SEPTIN7: variants seen among roughly 807,000 people sequenced by gnomAD.
The protein encoded by SEPTIN7 is septin-7.
SEPTIN7 carries 10 observed loss-of-function variants against 63.3 expected under a neutral mutation model. The observed-to-expected ratio is 0.16, with a 90% CI of 0.10 to 0.27. The LOEUF is 0.27. Among genes scored for constraint, SEPTIN7 ranks in the 10% least tolerant of loss-of-function variants. SEPTIN7 has a pLI of 1.00. For synonymous variants in SEPTIN7, 131 were observed against 165.3 expected (o/e 0.79, Z 1.59); for missense variants, 310 against 521.0 (o/e 0.59, Z 3.94).
intron 3 of SEPTIN7, among the ~76,000 whole-genome samples, chr7:35,859,714 A>C (rs1222381074): frequency 6.6e-6 from 1 of 152,218 alleles, no homozygotes; most frequent in African/African-American, 2.4e-5. Context: ...ATCTTGGCAA[A>C]GTGACCCATT....
Position 35,872,764 on chromosome 7 carries a change from T to C in SEPTIN7, c.375T>C (p.Asn125=), listed in dbSNP as rs1284983147. ...PGFGDAVDNS[N]CWQPVIDYID... ...TTGGAGATGCAGTGGATAATAGTAA[T>C]TGGTAAGAAGGGTTTGTCCTCACAA... The change falls in exon 5 of 14, where the codon AAT becomes AAC. Residue 125 remains asparagine, a splice_region_variant and synonymous_variant. Transcript: ENST00000350320. The C allele has an allele frequency of 8.7e-6, 14 of 1,605,914 alleles. No homozygotes were observed. The highest frequency in any genetic ancestry group is 1.2e-5 in the Non-Finnish European group (14 of 1,172,800).
At chr7:35,811,003 A>C (rs1788670890) in intron 1 of SEPTIN7, among the ~76,000 whole-genome samples, 1 of 150,786 alleles carries the variant, frequency 6.6e-6, no homozygotes, top group Admixed American at 6.6e-5. Context: ...TCCTGACCTG[A>C]GGCAATCTGC....
intron 3 of SEPTIN7, among the ~76,000 whole-genome samples, chr7:35,840,022 T>C (rs1261043364): frequency 1.3e-5 from 2 of 152,160 alleles, no homozygotes; most frequent in African/African-American, 4.8e-5. Context: ...TGAAGTAGGA[T>C]TATTAGATCA....
chr7:35,901,953 T>A (rs1177566895), intron 12 of SEPTIN7: 2 of 151,902 alleles, frequency 1.3e-5, no homozygotes, highest in Non-Finnish European at 2.9e-5. Flanking sequence ...TTGTAGGAAT[T>A]GCATGAAATA....
intron 3 of SEPTIN7, among the ~76,000 whole-genome samples, chr7:35,854,827 CT>C (rs1416536470): frequency 7.2e-5 from 11 of 151,846 alleles, no homozygotes; most frequent in Non-Finnish European, 2.9e-5. Flanking sequence ...TGTAGAAAAA[CT>C]GATATACAAA....
At position 35,890,738 on chromosome 7, in the gene SEPTIN7, G is replaced by A; in HGVS notation, c.943G>A (p.Ala315Thr). Residue 315 changes from alanine (A) to threonine (T), a missense_variant, in exon 11 of 14, where the codon GCA becomes ACA. Transcript: ENST00000350320. The stretch of plus-strand genomic sequence containing the variant: ...TGAGAACTACAGAAGCAGAAAACTT[G>A]CAGCTGTGACTTATAATGGAGTTGA... Reference protein sequence around the residue: ...HYENYRSRKLAAVTYNGVDNN... With the variant: ...HYENYRSRKLTAVTYNGVDNN... The A allele has an allele frequency of 6.3e-7, 1 of 1,599,900 alleles. No individual in the cohort carries two copies. The highest frequency in any genetic ancestry group is 8.5e-7 in the Non-Finnish European group (1 of 1,175,118).
chr7:35,907,759 A>G (rs1788657616), downstream of SEPTIN7, among the ~76,000 whole-genome samples: 2 of 152,178 alleles, frequency 1.3e-5, no homozygotes, highest in South Asian at 4.1e-4. Context: ...GAGAAGCAGA[A>G]AGCACCAGAC....
At chr7:35,833,193 C>T (rs770407708) in intron 3 of SEPTIN7, among the ~76,000 whole-genome samples, 1 of 151,956 alleles carries the variant, frequency 6.6e-6, no homozygotes, top group Admixed American at 6.5e-5. Flanking sequence ...AAAATAGCAT[C>T]TGGTGGTTAC....
intron 1 of SEPTIN7, among the ~76,000 whole-genome samples, chr7:35,820,542 TTATTA>T (rs1455238918): frequency 3.3e-5 from 5 of 152,170 alleles, no homozygotes; most frequent in Non-Finnish European, 5.9e-5. Context: ...ATACTTTTAT[TTATTA>T]TATTTTTTAA....
At chr7:35,913,927 A>G in the SEPTIN7 span, among the ~76,000 whole-genome samples, 93 of 152,330 alleles carry the variant, frequency 6.1e-4, no homozygotes, top group South Asian at 7.9e-3. Flanking sequence ...AAAGAATTCA[A>G]GAAGTTTGCT....
At chr7:35,833,697 G>A (rs1348031221) in intron 3 of SEPTIN7, among the ~76,000 whole-genome samples, 3 of 151,920 alleles carry the variant, frequency 2.0e-5, no homozygotes, top group Non-Finnish European at 2.9e-5. Flanking sequence ...TGAATTGCAG[G>A]GTAGTGGATT....
At chr7:35,888,838 A>AAT (rs921034824) in intron 10 of SEPTIN7, 1 of 391,230 alleles carries the variant, frequency 2.6e-6, no homozygotes, top group African/African-American at 2.1e-5. Flanking sequence ...AAAAAAAAAA[A>AAT]AAAAAAACGG....
At chr7:35,907,447 CTT>C (rs1317377142), downstream of SEPTIN7, among the ~76,000 whole-genome samples, 2 of 152,072 alleles carry the variant, frequency 1.3e-5, no homozygotes, top group African/African-American at 4.8e-5. Flanking sequence ...CTTAAGGTAA[CTT>C]ATTAATACAT....
Position 35,904,406 on chromosome 7 carries a change from T to A in SEPTIN7, c.*113T>A. The stretch of plus-strand genomic sequence containing the variant: ...ACCAGTTTTATCCATAATGATGGAT[T>A]TAACAGCATGACAAAAATTATTTTT... On this transcript the variant is annotated 3_prime_UTR_variant, in exon 14 of 14. Transcript: ENST00000350320. 8.0e-6 allele frequency: 6 copies of A among 748,388 alleles called. No homozygotes were observed. Among genetic ancestry groups the A allele is most frequent in the South Asian group, 2.7e-5 (1 of 36,692 alleles). 46.4% of individuals were successfully genotyped at this position (748,388 alleles called of 1,614,324 possible). A position where few individuals can be genotyped will look rare whatever the true frequency, so the allele number is the denominator to read the frequency against.
intron 3 of SEPTIN7, among the ~76,000 whole-genome samples, chr7:35,835,978 G>A (rs1211333920): frequency 6.6e-6 from 1 of 152,122 alleles, no homozygotes; most frequent in African/African-American, 2.4e-5. Context: ...GATGATATAA[G>A]GAATTTTTCA....
intron 3 of SEPTIN7, among the ~76,000 whole-genome samples, chr7:35,853,950 T>C (rs1398913245): frequency 6.6e-6 from 1 of 152,150 alleles, no homozygotes; most frequent in African/African-American, 2.4e-5. Flanking sequence ...GTTTCTGTTT[T>C]TTCACCTTAA....
chr7:35,810,771 G>GTTC (rs1554332697), intron 1 of SEPTIN7, among the ~76,000 whole-genome samples: 2 of 144,046 alleles, frequency 1.4e-5, no homozygotes, highest in African/African-American at 5.1e-5. Context: ...GAGTTAATGA[G>GTTC]TTTTTTTTTT....
chr7:35,879,707 G>A (rs1786711751), intron 6 of SEPTIN7, 116 bp from the exon 7 acceptor site: 1 of 669,106 alleles, frequency 1.5e-6, no homozygotes, highest in Admixed American at 2.2e-5. Flanking sequence ...CATCTTCAGA[G>A]TGTTTCTGAT....
chr7:35,812,442 G>A (rs1346870956), intron 1 of SEPTIN7, among the ~76,000 whole-genome samples: 2 of 151,610 alleles, frequency 1.3e-5, no homozygotes, highest in Non-Finnish European at 2.9e-5. Context: ...TAATGCTACA[G>A]ACATGCAAAT....
Sources: gnomAD v4.1 joint callset for allele counts (sites outside exome capture counted in the v4.1 genomes callset) on GRCh38, gnomAD v4.1.1 for gene constraint, MANE v1.5 for transcripts, NCBI Gene and HGNC (gene_info 2026-07-23, HGNC 2026-07-21) for gene names.